ADAMTSL3: variants seen among roughly 807,000 people sequenced by gnomAD.
The protein encoded by ADAMTSL3 is ADAMTS like 3.
A neutral mutation model predicts 201.7 loss-of-function variants in ADAMTSL3; 128 were observed. That is an observed-to-expected ratio of 0.63 (90% confidence interval 0.55 to 0.73). The LOEUF is 0.73. Among genes scored for constraint, ADAMTSL3 ranks in the 30% least tolerant of loss-of-function variants. The pLI, the probability that ADAMTSL3 is intolerant of heterozygous loss-of-function variation, is 0.00. For synonymous variants in ADAMTSL3, 738 were observed against 748.4 expected (o/e 0.99, Z 0.23); for missense variants, 1,990 against 2,119.6 (o/e 0.94, Z 1.20).
chr15:83,704,003 CAAAAAA>C (rs373378778), intron 2 of ADAMTSL3, among the ~76,000 whole-genome samples: 1 of 127,802 alleles, frequency 7.8e-6, no homozygotes, highest in Non-Finnish European at 1.6e-5. Context: ...ACTCCTTTGC[CAAAAAA>C]AAAAAAAAAC....
At chr15:83,982,150 T>C in intron 20 of ADAMTSL3, 123 bp from the exon 21 acceptor site, 1 of 776,772 alleles carries the variant, frequency 1.3e-6, no homozygotes, top group Non-Finnish European at 2.0e-6. Context: ...CTTGAATGTT[T>C]TAAAATAGTA....
chr15:83,974,658 T>C (rs891007218), intron 20 of ADAMTSL3, among the ~76,000 whole-genome samples: 9 of 152,246 alleles, frequency 5.9e-5, no homozygotes, highest in African/African-American at 1.9e-4. Flanking sequence ...TTTTTAAATA[T>C]GTTAGATGTG....
At chr15:83,983,925 CA>C (rs2067432848) in intron 21 of ADAMTSL3, among the ~76,000 whole-genome samples, 1 of 152,150 alleles carries the variant, frequency 6.6e-6, no homozygotes, top group Non-Finnish European at 1.5e-5. Context: ...GTAGCCTTGT[CA>C]AAAGCTTGGG....
At chr15:83,679,248 C>T (rs1175540031) in intron 2 of ADAMTSL3, among the ~76,000 whole-genome samples, 1 of 151,948 alleles carries the variant, frequency 6.6e-6, no homozygotes, top group Non-Finnish European at 1.5e-5. Context: ...TTCAAGAGTG[C>T]TCATAATTGC....
chr15:83,974,358 G>A (rs554294579), intron 20 of ADAMTSL3, among the ~76,000 whole-genome samples: 5 of 152,220 alleles, frequency 3.3e-5, no homozygotes, highest in Admixed American at 2.0e-4. Flanking sequence ...CCTACCTCAC[G>A]GGACCATTCT....
intron 23 of ADAMTSL3, among the ~76,000 whole-genome samples, chr15:84,013,320 G>A (rs772657183): frequency 1.6e-4 from 25 of 152,198 alleles, no homozygotes; most frequent in East Asian, 3.8e-4. Context: ...CATGGAGCAC[G>A]CATTTTGCCT....
At chr15:83,927,143 G>A (rs1214125764) in intron 17 of ADAMTSL3, among the ~76,000 whole-genome samples, 4 of 149,302 alleles carry the variant, frequency 2.7e-5, no homozygotes, top group Non-Finnish European at 5.9e-5. Flanking sequence ...TTGAGACGGA[G>A]TCTCACTCTG....
At chr15:83,923,578 C>A (rs1387729805) in intron 16 of ADAMTSL3, among the ~76,000 whole-genome samples, 1 of 152,148 alleles carries the variant, frequency 6.6e-6, no homozygotes, top group Non-Finnish European at 1.5e-5. Flanking sequence ...GGGGGAACTC[C>A]TAGCTTTGAG....
At chr15:83,734,452 C>G (rs915087323) in intron 3 of ADAMTSL3, among the ~76,000 whole-genome samples, 7 of 152,086 alleles carry the variant, frequency 4.6e-5, no homozygotes, top group Non-Finnish European at 8.8e-5. Context: ...ATTGGCGTTA[C>G]CAGGACACAG....
Position 83,762,088 on chromosome 15 carries a change from A to G in ADAMTSL3, c.190-11435A>G, listed in dbSNP as rs147028306. On this transcript the variant is annotated intron_variant, in intron 3 of 29. Transcript: ENST00000286744. The stretch of plus-strand genomic sequence containing the variant: ...TTTTTTTGAGATGGAGTCTCGCTCT[A>G]TCACCAGGCTGGAGTGCGGTGGCGT... 9.6e-3 allele frequency among the ~76,000 whole-genome samples: 1,442 copies of G among 150,990 alleles called. 32 individuals carry two copies. Among genetic ancestry groups the G allele is most frequent in the African/African-American group, 0.033 (1,362 of 40,988 alleles).
At chr15:83,704,790 TTGA>T (rs2061824736) in intron 3 of ADAMTSL3, among the ~76,000 whole-genome samples, 1 of 152,232 alleles carries the variant, frequency 6.6e-6, no homozygotes, top group Non-Finnish European at 1.5e-5. Context: ...TATCACCACA[TTGA>T]TGATTCAATT....
chr15:83,800,058 T>A (rs1469774272), intron 4 of ADAMTSL3, among the ~76,000 whole-genome samples: 2 of 151,134 alleles, frequency 1.3e-5, no homozygotes, highest in Non-Finnish European at 2.9e-5. Context: ...CTGGATTTAC[T>A]GTGTATTAGG....
chr15:84,009,172 T>C (rs2067959655), intron 23 of ADAMTSL3, among the ~76,000 whole-genome samples: 1 of 152,152 alleles, frequency 6.6e-6, no homozygotes, highest in African/African-American at 2.4e-5. Context: ...TTCAAAATCT[T>C]TGGAATAGAA....
At chr15:83,822,403 C>T (rs1189560604) in intron 6 of ADAMTSL3, among the ~76,000 whole-genome samples, 1 of 145,782 alleles carries the variant, frequency 6.9e-6, no homozygotes, top group Non-Finnish European at 1.5e-5. Flanking sequence ...TCAGACGGGG[C>T]GGTTGCCGGG....
At chr15:84,010,947 G>A (rs557384581) in intron 23 of ADAMTSL3, among the ~76,000 whole-genome samples, 23 of 152,186 alleles carry the variant, frequency 1.5e-4, no homozygotes, top group African/African-American at 5.3e-4. Flanking sequence ...TGCTCCAGTG[G>A]CATCCAGTAT....
chr15:83,913,343 C>T lies in ADAMTSL3; in HGVS notation c.1952C>T (p.Ala651Val). Residue 651 changes from alanine (A) to valine (V), a missense_variant, in exon 16 of 30, where the codon GCT becomes GTT. Ala to Val is a moderately conservative substitution (Grantham distance 64, BLOSUM62 0). Transcript: ENST00000286744. The stretch of plus-strand genomic sequence containing the variant: ...GAGACGACTTACGACTGGGAGTACG[C>T]TGGGTTCACCCCTTGCACAGCAACA... ...DSETTYDWEY[A>V]GFTPCTATCV... 6.2e-7 allele frequency: 1 copy of T among 1,613,676 alleles called. No homozygotes were observed.
intron 2 of ADAMTSL3, among the ~76,000 whole-genome samples, chr15:83,680,513 GT>G (rs55658833): frequency 3.0e-3 from 407 of 134,394 alleles, no homozygotes; most frequent in African/African-American, 4.6e-3. Context: ...CTTAGTTGTT[GT>G]TTTTTTTTTT....
intron 16 of ADAMTSL3, among the ~76,000 whole-genome samples, chr15:83,919,005 A>G (rs1271676431): frequency 6.6e-6 from 1 of 152,114 alleles, no homozygotes; most frequent in Non-Finnish European, 1.5e-5. Context: ...GTGTGATGGC[A>G]AGTCTGAGTC....
intron 2 of ADAMTSL3, among the ~76,000 whole-genome samples, chr15:83,702,232 C>T (rs1430425550): frequency 1.3e-5 from 2 of 152,140 alleles, no homozygotes; most frequent in African/African-American, 4.8e-5. Context: ...GACTTGGATA[C>T]TGTTAAAGGC....
Sources: allele counts gnomAD v4.1 joint callset (sites outside exome capture counted in the v4.1 genomes callset), GRCh38; gene constraint gnomAD v4.1.1; transcripts MANE v1.5; gene names NCBI Gene and HGNC (gene_info 2026-07-23, HGNC 2026-07-21).